RABGAP1L: variants seen among roughly 807,000 people sequenced by gnomAD.
RABGAP1L encodes the protein RAB GTPase activating protein 1 like, also known as rab GTPase-activating protein 1-like.
Under a neutral mutation model 137.7 loss-of-function variants are expected in RABGAP1L, and 63 were observed. That is an observed-to-expected ratio of 0.46 (90% CI 0.37 to 0.56). The LOEUF is 0.56. Ranked by LOEUF, RABGAP1L falls within the 20% of genes least tolerant of loss-of-function variation. RABGAP1L has a pLI of 0.00. For missense variants in RABGAP1L, 1,095 were observed against 1,244.0 expected, an observed-to-expected ratio of 0.88 and a Z score of 1.80; for synonymous variants, 431 against 433.7, an observed-to-expected ratio of 0.99 and a Z score of 0.08.
rs537853758 is a variant in RABGAP1L, at chr1:174,773,732, G to T, written c.2211+21378G>T. 2.0e-4 allele frequency among the ~76,000 whole-genome samples: 31 copies of T among 152,270 alleles called. No homozygotes were observed. In the East Asian group the frequency reaches 6.0e-3, roughly 29 times the overall value. ...TTAAAATATTCTCTGCTCTTGACTG[G>T]CTGGAATAATATTTGATTCCTGAGT... On this transcript the variant is annotated intron_variant, in intron 18 of 25. Coordinates refer to ENST00000681986, the MANE Select transcript of RABGAP1L (RefSeq NM_001366446.1).
chr1:174,681,360 A>G (rs940721504), intron 14 of RABGAP1L, among the ~76,000 whole-genome samples: 3 of 152,258 alleles, frequency 2.0e-5, no homozygotes, highest in African/African-American at 7.2e-5. Context: ...CATGCTACTC[A>G]GCAATGAAAA....
intron 11 of RABGAP1L, among the ~76,000 whole-genome samples, chr1:174,357,111 G>A (rs1683709857): frequency 1.3e-5 from 2 of 152,114 alleles, no homozygotes; most frequent in African/African-American, 4.8e-5. Flanking sequence ...GCATATTAAA[G>A]GAGACTTCAC....
chr1:174,923,785 G>A (rs910594878), intron 19 of RABGAP1L, among the ~76,000 whole-genome samples: 5 of 151,528 alleles, frequency 3.3e-5, no homozygotes, highest in Non-Finnish European at 7.4e-5. Flanking sequence ...GGAGGCTGAG[G>A]CAGGAGAATC....
At chr1:174,582,849 C>T (rs1668844525) in intron 13 of RABGAP1L, among the ~76,000 whole-genome samples, 2 of 152,116 alleles carry the variant, frequency 1.3e-5, no homozygotes, top group Non-Finnish European at 2.9e-5. Context: ...CAAGCATTTC[C>T]AAACCATGGT....
At chr1:174,961,032 GT>G in intron 20 of RABGAP1L, among the ~76,000 whole-genome samples, 1 of 152,238 alleles carries the variant, frequency 6.6e-6, no homozygotes, top group African/African-American at 2.4e-5. Flanking sequence ...TACTCTTTCT[GT>G]TTTTCTTCAT....
chr1:174,406,830 A>T (rs1649338547), intron 13 of RABGAP1L, among the ~76,000 whole-genome samples: 1 of 152,154 alleles, frequency 6.6e-6, no homozygotes. Flanking sequence ...GGATCACTTG[A>T]GCCTAGGAGG....
chr1:174,294,750 G>A (rs1029397399), intron 10 of RABGAP1L, among the ~76,000 whole-genome samples: 4 of 152,094 alleles, frequency 2.6e-5, no homozygotes, highest in Non-Finnish European at 5.9e-5. Flanking sequence ...TGTTAGGGAA[G>A]TAAAGATAAA....
chr1:174,981,550 C>CTTTTTTTTTTTTTTTTTTTT lies in RABGAP1L; in HGVS notation c.2734-1272_2734-1253dup, dbSNP rs10556099. ...AATTTCACATCCCCTGTTTTTCCAT[C>CTTTTTTTTTTTTTTTTTTTT]TTTTTTTTTTTTTTTTTTTTTTTTT... On this transcript the variant is annotated intron_variant, in intron 23 of 25. Coordinates refer to ENST00000681986, the MANE Select transcript of RABGAP1L (RefSeq NM_001366446.1). Among the ~76,000 whole-genome samples the CTTTTTTTTTTTTTTTTTTTT allele has an allele frequency of 2.9e-4, 19 of 66,432 alleles. 2 individuals are homozygous for CTTTTTTTTTTTTTTTTTTTT. The highest frequency in any genetic ancestry group is 3.6e-4 in the Non-Finnish European group (14 of 38,852). The allele number at this position is 66,432 out of a possible 152,430, so 43.6% of individuals were successfully genotyped here. A position where few individuals can be genotyped will look rare whatever the true frequency, so the allele number is the denominator to read the frequency against.
intron 15 of RABGAP1L, among the ~76,000 whole-genome samples, chr1:174,693,591 C>T (rs959562854): frequency 5.9e-5 from 9 of 151,382 alleles, no homozygotes; most frequent in Admixed American, 4.6e-4. Context: ...TTTTTTTTTG[C>T]AAATGATATT....
chr1:174,747,240 G>A (rs333432), intron 17 of RABGAP1L, among the ~76,000 whole-genome samples: 56,541 of 151,508 alleles, frequency 0.37, 13,876 homozygotes, highest in African/African-American at 0.7. Context: ...TCATCTCTAC[G>A]AAAAAATTAA....
chr1:174,301,275 G>A (rs1174204830), intron 10 of RABGAP1L, among the ~76,000 whole-genome samples: 1 of 151,610 alleles, frequency 6.6e-6, no homozygotes, highest in African/African-American at 2.4e-5. Context: ...CAGCACCCAG[G>A]CAGGGGTGCT....
intron 18 of RABGAP1L, among the ~76,000 whole-genome samples, chr1:174,755,780 G>A (rs192857941): frequency 3.6e-4 from 55 of 152,300 alleles, no homozygotes; most frequent in Admixed American, 9.2e-4. Flanking sequence ...CAGAAGAACA[G>A]TGTGAAAGGA....
At chr1:174,988,898 C>G (rs1048698835) in intron 25 of RABGAP1L, 60 bp downstream of exon 25, 56 of 1,432,004 alleles carry the variant, frequency 3.9e-5, no homozygotes, top group Admixed American at 1.1e-4. Flanking sequence ...CCAGGATACT[C>G]TAGTACTTCA....
chr1:174,413,372 G>A (rs1650169068), intron 13 of RABGAP1L, among the ~76,000 whole-genome samples: 1 of 152,114 alleles, frequency 6.6e-6, no homozygotes, highest in Non-Finnish European at 1.5e-5. Context: ...AGACGTTTGT[G>A]TCGATTTTCA....
chr1:174,321,065 C>T (rs1445316518), intron 11 of RABGAP1L, among the ~76,000 whole-genome samples: 1 of 152,100 alleles, frequency 6.6e-6, no homozygotes, highest in African/African-American at 2.4e-5. Context: ...GGGGAGGTCT[C>T]TAAAATGGCT....
chr1:174,213,115 A>G (rs557590991), intron 1 of RABGAP1L, among the ~76,000 whole-genome samples: 1 of 152,238 alleles, frequency 6.6e-6, no homozygotes, highest in African/African-American at 2.4e-5. Flanking sequence ...ACATTTAGAG[A>G]ACTAATCAAA....
At chr1:174,665,483 T>C (rs1229432838) in intron 14 of RABGAP1L, among the ~76,000 whole-genome samples, 1 of 130,888 alleles carries the variant, frequency 7.6e-6, no homozygotes, top group Non-Finnish European at 1.6e-5. Flanking sequence ...CTTTCTTTCC[T>C]CTTGCTCTGT....
chr1:174,794,812 T>C (rs1375050449), intron 18 of RABGAP1L, among the ~76,000 whole-genome samples: 2 of 152,214 alleles, frequency 1.3e-5, no homozygotes, highest in Non-Finnish European at 2.9e-5. Flanking sequence ...TTTGGATACC[T>C]CCCTGATTTT....
intron 15 of RABGAP1L, among the ~76,000 whole-genome samples, chr1:174,690,299 G>A (rs1359880652): frequency 1.3e-5 from 2 of 152,108 alleles, no homozygotes; most frequent in Non-Finnish European, 2.9e-5. Context: ...AGTACCTTAT[G>A]ATGAGTGTAA....
Sources: gnomAD v4.1 joint callset for allele counts (sites outside exome capture counted in the v4.1 genomes callset) on GRCh38, gnomAD v4.1.1 for gene constraint, MANE v1.5 for transcripts, NCBI Gene and HGNC (gene_info 2026-07-23, HGNC 2026-07-21) for gene names.